IMMP2L: variants seen among roughly 807,000 people sequenced by gnomAD.
IMMP2L encodes mitochondrial inner membrane protease subunit 2.
A neutral mutation model predicts 19.3 loss-of-function variants in IMMP2L; 18 were observed. The observed-to-expected ratio is 0.93, with a 90% CI of 0.64 to 1.38. The LOEUF is 1.38. Ranked by LOEUF, IMMP2L falls within the 40% of genes most tolerant of loss-of-function variation. IMMP2L has a pLI of 0.00. For missense variants in IMMP2L, 233 were observed against 218.2 expected, an observed-to-expected ratio of 1.07 and a Z score of -0.43; for synonymous variants, 76 against 73.0, an observed-to-expected ratio of 1.04 and a Z score of -0.21.
intron 3 of IMMP2L, among the ~76,000 whole-genome samples, chr7:111,385,343 A>G (rs1387585638): frequency 6.6e-6 from 1 of 152,150 alleles, no homozygotes; most frequent in Non-Finnish European, 1.5e-5. Flanking sequence ...CCTTTATAAG[A>G]GAAAAAGATG....
chr7:110,947,792 G>A (rs1379356857), intron 4 of IMMP2L, among the ~76,000 whole-genome samples: 1 of 152,084 alleles, frequency 6.6e-6, no homozygotes, highest in African/African-American at 2.4e-5. Flanking sequence ...AAGCAGCGTG[G>A]GATGCAGCAA....
At chr7:110,749,635 C>G (rs1797599558) in intron 5 of IMMP2L, among the ~76,000 whole-genome samples, 1 of 152,072 alleles carries the variant, frequency 6.6e-6, no homozygotes, top group Non-Finnish European at 1.5e-5. Flanking sequence ...TCTCAGCAAA[C>G]TAACACAAGA....
At chr7:111,240,618 CGACAGTCCCATTACTTCATGTTAGG>C (rs1554407888) in intron 3 of IMMP2L, among the ~76,000 whole-genome samples, 1 of 151,880 alleles carries the variant, frequency 6.6e-6, no homozygotes, top group Non-Finnish European at 1.5e-5. Flanking sequence ...GTTGTATCTA[CGACAGTCCCATTACTTCATGTTAGG>C]GACAGTCCCA....
At chr7:110,851,647 A>C (rs1398373714) in intron 5 of IMMP2L, among the ~76,000 whole-genome samples, 1 of 152,124 alleles carries the variant, frequency 6.6e-6, no homozygotes, top group Non-Finnish European at 1.5e-5. Flanking sequence ...AAGGGAAATG[A>C]GGCAAGAAAG....
At chr7:111,225,596 A>C (rs909483004) in intron 3 of IMMP2L, among the ~76,000 whole-genome samples, 20 of 151,742 alleles carry the variant, frequency 1.3e-4, no homozygotes, top group African/African-American at 4.8e-4. Flanking sequence ...TTTTGGTATA[A>C]TATCAATATA....
At chr7:111,294,608 TC>T (rs1821437571) in intron 3 of IMMP2L, among the ~76,000 whole-genome samples, 1 of 151,772 alleles carries the variant, frequency 6.6e-6, no homozygotes, top group South Asian at 2.1e-4. Flanking sequence ...AACAAAACCA[TC>T]AGGACCTTGT....
intron 3 of IMMP2L, among the ~76,000 whole-genome samples, chr7:111,384,763 G>A (rs1471617065): frequency 6.6e-6 from 1 of 152,066 alleles, no homozygotes; most frequent in Admixed American, 6.6e-5. Flanking sequence ...CTTTGGAGTT[G>A]TCCCCATTCA....
intron 3 of IMMP2L, among the ~76,000 whole-genome samples, chr7:110,980,926 C>T (rs939791435): frequency 7.2e-5 from 11 of 152,014 alleles, no homozygotes; most frequent in Admixed American, 2.0e-4. Context: ...AATATTTGAA[C>T]CAGTGTTACT....
intron 5 of IMMP2L, among the ~76,000 whole-genome samples, chr7:110,685,406 C>T (rs1179094770): frequency 6.6e-6 from 1 of 152,176 alleles, no homozygotes; most frequent in Non-Finnish European, 1.5e-5. Context: ...CAGTGCTCTG[C>T]TACATACTAA....
chr7:111,512,478 T>C (rs538437509), intron 2 of IMMP2L, among the ~76,000 whole-genome samples: 1 of 152,100 alleles, frequency 6.6e-6, no homozygotes, highest in South Asian at 2.1e-4. Flanking sequence ...CTTTTAATAC[T>C]ATTTATTGAT....
chr7:111,439,356 G>A (rs984728114), intron 3 of IMMP2L, among the ~76,000 whole-genome samples: 15 of 151,646 alleles, frequency 9.9e-5, no homozygotes, highest in Admixed American at 7.2e-4. Context: ...TCTAGGCAGG[G>A]GAAACTGGTA....
intron 3 of IMMP2L, among the ~76,000 whole-genome samples, chr7:111,365,131 T>C (rs1266234222): frequency 1.1e-4 from 17 of 152,248 alleles, no homozygotes; most frequent in African/African-American, 4.1e-4. Context: ...TTAACCTTTC[T>C]GCTGCTGAAC....
intron 5 of IMMP2L, among the ~76,000 whole-genome samples, chr7:110,693,834 T>TTTGTTG (rs749916950): frequency 6.6e-6 from 1 of 152,042 alleles, no homozygotes; most frequent in Non-Finnish European, 1.5e-5. Context: ...TCAGTTTTGT[T>TTTGTTG]TTGTTGTTGT....
intron 5 of IMMP2L, among the ~76,000 whole-genome samples, chr7:110,813,321 GA>G (rs1554424897): frequency 6.6e-6 from 1 of 151,732 alleles, no homozygotes; most frequent in African/African-American, 2.4e-5. Context: ...CCTTTTAACA[GA>G]AAAAAATTAC....
At chr7:110,841,117 T>C (rs1805036346) in intron 5 of IMMP2L, among the ~76,000 whole-genome samples, 1 of 152,034 alleles carries the variant, frequency 6.6e-6, no homozygotes, top group South Asian at 2.1e-4. Context: ...CAAGCCCTAC[T>C]GGTATATCAG....
chr7:111,128,715 C>T (rs1043528453), intron 3 of IMMP2L, among the ~76,000 whole-genome samples: 1 of 152,146 alleles, frequency 6.6e-6, no homozygotes, highest in African/African-American at 2.4e-5. Flanking sequence ...GTCCCAGCTA[C>T]TCGGGGGCCT....
In IMMP2L at chr7:111,253,749, A is replaced by G. The variant is rs147016321; in HGVS notation, c.239+233489T>C. ...TTAAGGCTCTCAAAGACTGCCACAT[A>G]GAACTTGATCTAAAGTCAGAGAATT... On this transcript the variant is annotated intron_variant, in intron 3 of 5. Coordinates refer to ENST00000405709, the MANE Select transcript of IMMP2L (RefSeq NM_032549.4). Among the ~76,000 whole-genome samples the G allele has an allele frequency of 3.3e-4, 50 of 152,316 alleles. No individual in the cohort carries two copies. In the East Asian group the frequency reaches 5.4e-3, roughly 16 times the overall value.
intron 3 of IMMP2L, among the ~76,000 whole-genome samples, chr7:111,006,414 T>C (rs987323595): frequency 7.9e-5 from 12 of 152,320 alleles, no homozygotes; most frequent in South Asian, 4.1e-4. Context: ...CATAGACTTT[T>C]AACACTAAAA....
At chr7:111,455,551 T>C (rs1320408793) in intron 3 of IMMP2L, among the ~76,000 whole-genome samples, 41 of 151,514 alleles carry the variant, frequency 2.7e-4, no homozygotes, top group African/African-American at 9.7e-4. Flanking sequence ...AATCCAAATA[T>C]GAATGAATCC....
Sources: gnomAD v4.1 joint callset for allele counts (sites outside exome capture counted in the v4.1 genomes callset) on GRCh38, gnomAD v4.1.1 for gene constraint, MANE v1.5 for transcripts, NCBI Gene and HGNC (gene_info 2026-07-23, HGNC 2026-07-21) for gene names.